DENND5B: variants seen among roughly 807,000 people sequenced by gnomAD.
DENND5B encodes the protein DENN domain-containing protein 5B.
Under a neutral mutation model 140.6 loss-of-function variants are expected in DENND5B, and 34 were observed. That is an observed-to-expected ratio of 0.24 (90% CI 0.18 to 0.32). DENND5B has a LOEUF of 0.32. DENND5B is among the 10% of genes least tolerant of loss of function. The probability of loss-of-function intolerance (pLI) is 1.00; values close to 1 mark genes in which losing one functional copy is unlikely to be tolerated. For synonymous variants in DENND5B, 551 were observed against 562.1 expected (o/e 0.98, Z 0.28); for missense variants, 1,142 against 1,560.2 (o/e 0.73, Z 4.52).
At chr12:31,517,966 G>A (rs935132222) in intron 1 of DENND5B, among the ~76,000 whole-genome samples, 2 of 152,196 alleles carry the variant, frequency 1.3e-5, no homozygotes, top group African/African-American at 4.8e-5. Flanking sequence ...ATGAGAAAGT[G>A]GGGGCTCCTT....
intron 1 of DENND5B, among the ~76,000 whole-genome samples, chr12:31,547,881 T>C (rs993449806): frequency 2.0e-5 from 3 of 152,140 alleles, no homozygotes; most frequent in African/African-American, 7.2e-5. Flanking sequence ...CTTTTTTGTA[T>C]TTTTAGTAGA....
rs1205877274 is a variant in DENND5B, at chr12:31,392,290, T to C, written c.3443A>G (p.Asn1148Ser). The C allele has an allele frequency of 6.2e-7, 1 of 1,613,926 alleles. No individual in the cohort carries two copies. The highest frequency in any genetic ancestry group is 8.5e-7 in the Non-Finnish European group (1 of 1,179,866). ...GFKSARIFHK[N>S]VFIWDFIEKV... is the part of the protein sequence containing the mutation. Reference sequence around the variant, plus strand: ...ACCTATGAAGTCCCAGATGAAGACATTCTTGTGAAAGATGCGGGCAGATTT... The same window carrying C: ...ACCTATGAAGTCCCAGATGAAGACACTCTTGTGAAAGATGCGGGCAGATTT... Residue 1148 changes from asparagine (N) to serine (S), a missense_variant, in exon 19 of 21, where the codon AAT becomes AGT. Physicochemically the swap from Asn to Ser is conservative, Grantham distance 46 (BLOSUM62 1). Coordinates refer to ENST00000389082, the MANE Select transcript of DENND5B (RefSeq NM_144973.4).
rs1350362372 is a variant in DENND5B at position 31,389,359 on chromosome 12, A to G, written c.3606T>C (p.Asp1202=). 10 of 1,613,016 alleles carry G rather than the reference A, an allele frequency of 6.2e-6. No individual in the cohort carries two copies. The highest frequency in any genetic ancestry group is 7.6e-6 in the Non-Finnish European group (9 of 1,179,664). ...INTAPRNIGK[D]GKFQILVCLG... Reference sequence around the variant, plus strand: ...GGCAAACTAAAATCTGGAATTTGCCATCCTTCCCAATGTTCCTGGGTGCAG... The same window carrying G: ...GGCAAACTAAAATCTGGAATTTGCCGTCCTTCCCAATGTTCCTGGGTGCAG... Residue 1202 remains aspartate (D), a synonymous_variant, in exon 20 of 21, where the codon GAT becomes GAC. Transcript: ENST00000389082.
At chr12:31,459,838 T>C (rs1179856764) in intron 4 of DENND5B, among the ~76,000 whole-genome samples, 1 of 152,176 alleles carries the variant, frequency 6.6e-6, no homozygotes, top group Non-Finnish European at 1.5e-5. Context: ...TACAATGATT[T>C]AAGGATGCTA....
At position 31,385,429 on chromosome 12, in the gene DENND5B, A is replaced by AC. The variant is rs1264073662; in HGVS notation, c.*2173_*2174insG. 2 of 152,190 alleles carry AC rather than the reference A, an allele frequency of 1.3e-5. No individual in the cohort carries two copies. Among genetic ancestry groups the AC allele is most frequent in the Non-Finnish European group, 2.9e-5 (2 of 68,058 alleles). 9.4% of individuals were successfully genotyped at this position (152,190 alleles called of 1,614,324 possible). ...CAATCCTAGCACATTAACCTAAGTC[A>AC]TCCCCCAGGTTGCCTAGACCTGTCA... On this transcript the variant is annotated 3_prime_UTR_variant, in exon 21 of 21. Coordinates refer to ENST00000389082, the MANE Select transcript of DENND5B (RefSeq NM_144973.4).
chr12:31,586,220 T>A (rs1489165296), intron 1 of DENND5B, among the ~76,000 whole-genome samples: 2 of 152,218 alleles, frequency 1.3e-5, no homozygotes, highest in Non-Finnish European at 2.9e-5. Context: ...TGACATCAAC[T>A]AATTGCATGA....
chr12:31,488,926 A>C (rs913723462), intron 2 of DENND5B, among the ~76,000 whole-genome samples: 7 of 152,230 alleles, frequency 4.6e-5, no homozygotes, highest in African/African-American at 1.7e-4. Flanking sequence ...TAGCCAAAGC[A>C]GGCTTATAAT....
intron 2 of DENND5B, among the ~76,000 whole-genome samples, chr12:31,489,231 T>C (rs1946427411): frequency 6.6e-6 from 1 of 152,166 alleles, no homozygotes; most frequent in Non-Finnish European, 1.5e-5. Context: ...CTCTATGATG[T>C]TTGCACAATA....
In DENND5B at chr12:31,487,626, C is replaced by T. The variant is rs564077074; in HGVS notation, c.238-7371G>A. Among the ~76,000 whole-genome samples, 177 of 152,130 alleles carry T rather than the reference C, an allele frequency of 1.2e-3. 2 individuals are homozygous for T. The highest frequency in any genetic ancestry group is 4.2e-3 in the African/African-American group (174 of 41,494). On this transcript the variant is annotated intron_variant, in intron 2 of 20. Coordinates refer to ENST00000389082, the MANE Select transcript of DENND5B (RefSeq NM_144973.4). ...CTGAGGCACGAGAATCGCATGAATC[C>T]GGGAGGCAGAGGTTGCAGTGAGCCA...
At chr12:31,516,718 TCTTTC>T (rs1319481425) in intron 1 of DENND5B, among the ~76,000 whole-genome samples, 6 of 152,198 alleles carry the variant, frequency 3.9e-5, no homozygotes, top group Non-Finnish European at 8.8e-5. Flanking sequence ...TTATTTAAGT[TCTTTC>T]CTTTGTTTCT....
At chr12:31,425,312 G>A (rs1184192338) in intron 9 of DENND5B, among the ~76,000 whole-genome samples, 1 of 152,168 alleles carries the variant, frequency 6.6e-6, no homozygotes, top group African/African-American at 2.4e-5. Flanking sequence ...GCGAGACTCT[G>A]TCTCAAAAAA....
chr12:31,442,108 T>G (rs1167356499), intron 7 of DENND5B, among the ~76,000 whole-genome samples: 1 of 152,216 alleles, frequency 6.6e-6, no homozygotes, highest in East Asian at 1.9e-4. Flanking sequence ...AGCCTAAGAA[T>G]ATATCTTGCT....
chr12:31,487,375 T>C (rs1946348186), intron 2 of DENND5B, among the ~76,000 whole-genome samples: 1 of 152,056 alleles, frequency 6.6e-6, no homozygotes, highest in Non-Finnish European at 1.5e-5. Context: ...CATAACAAGT[T>C]AATGAGTTGC....
At chr12:31,484,531 C>T (rs1391032828) in intron 2 of DENND5B, among the ~76,000 whole-genome samples, 6 of 152,138 alleles carry the variant, frequency 3.9e-5, no homozygotes, top group Admixed American at 3.3e-4. Context: ...GAGCCAGGTG[C>T]GGTGGCTCAT....
chr12:31,480,402 T>C, intron 2 of DENND5B, 147 bp from the exon 3 acceptor site: 1 of 773,184 alleles, frequency 1.3e-6, no homozygotes, highest in Non-Finnish European at 1.9e-6. Flanking sequence ...ATTAGAAATA[T>C]ATTATAAATT....
intron 1 of DENND5B, among the ~76,000 whole-genome samples, chr12:31,571,971 T>C (rs1949838496): frequency 6.6e-6 from 1 of 152,164 alleles, no homozygotes; most frequent in South Asian, 2.1e-4. Context: ...ATGCCTGTAA[T>C]CTCAGCACTT....
intron 1 of DENND5B, among the ~76,000 whole-genome samples, chr12:31,548,738 G>C (rs1052978838): frequency 1.3e-5 from 2 of 152,164 alleles, no homozygotes; most frequent in African/African-American, 2.4e-5. Flanking sequence ...CTTTCAACAA[G>C]TGTGCTTTCA....
intron 3 of DENND5B, among the ~76,000 whole-genome samples, chr12:31,479,109 C>G (rs1200127612): frequency 6.6e-6 from 1 of 152,124 alleles, no homozygotes; most frequent in African/African-American, 2.4e-5. Context: ...CTCCCACAGG[C>G]AAAGATCCAA....
At chr12:31,500,146 A>C (rs1001795509) in intron 1 of DENND5B, among the ~76,000 whole-genome samples, 1 of 152,214 alleles carries the variant, frequency 6.6e-6, no homozygotes, top group Non-Finnish European at 1.5e-5. Context: ...TGGCACTCAA[A>C]AAGTTCAAAT....
Sources: allele counts gnomAD v4.1 joint callset (sites outside exome capture counted in the v4.1 genomes callset), GRCh38; gene constraint gnomAD v4.1.1; transcripts MANE v1.5; gene names NCBI Gene and HGNC (gene_info 2026-07-23, HGNC 2026-07-21).